The following GBA2 variants were observed in gnomAD, a reference collection of about 807,000 sequenced individuals.
The protein encoded by GBA2 is non-lysosomal glucosylceramidase.
Under a neutral mutation model 112.9 loss-of-function variants are expected in GBA2, and 79 were observed. The observed-to-expected ratio is 0.70, with a 90% confidence interval of 0.58 to 0.84. The LOEUF (loss-of-function observed/expected upper bound fraction) is 0.84, where lower values mean the gene tolerates loss of function less well. GBA2 is among the 40% of genes least tolerant of loss of function. The pLI, the probability that GBA2 is intolerant of heterozygous loss-of-function variation, is 0.00. For missense variants in GBA2, 1,043 were observed against 1,190.0 expected, an observed-to-expected ratio of 0.88 and a Z score of 1.82; for synonymous variants, 403 against 434.3, an observed-to-expected ratio of 0.93 and a Z score of 0.90.
At chr9:35,747,009 G>C (rs542235275) in intron 1 of GBA2, among the ~76,000 whole-genome samples, 1 of 152,240 alleles carries the variant, frequency 6.6e-6, no homozygotes, top group East Asian at 1.9e-4. Context: ...TAATATGGTA[G>C]CTGGCCATTC....
At position 35,737,189 on chromosome 9, in the gene GBA2, C is replaced by A; in HGVS notation, c.2764G>T (p.Ala922Ser). Residue 922 changes from alanine (A) to serine (S), a missense_variant, in exon 17 of 17, where the codon GCA (alanine) becomes TCA (serine). Coordinates refer to ENST00000378103, the MANE Select transcript of GBA2 (RefSeq NM_020944.3). This position sits in a 1 kb window ranked among gnomAD's most constrained non-coding sequence, Gnocchi z 4.1. ...ACGGCTCACTCTGGGCTCAGGTTTG[C>A]CATGGCTTCCTTTGGTCCAAACATA... The part of the protein sequence containing the change: ...GPMFGPKEAM[A>S]NLSPE 6.2e-7 allele frequency: 1 copy of A among 1,608,216 alleles called. No homozygotes were observed. Among genetic ancestry groups the A allele is most frequent in the Non-Finnish European group, 8.5e-7 (1 of 1,179,684 alleles).
rs1388202220 is a variant in GBA2 at position 35,737,448 on chromosome 9, C to A, written c.2506-1G>T. ...TCTGGAAGCCCTCCCAAGTCAGGCC[C>A]TGTTGGGAGAGATGACAGTCATACA... On this transcript the variant is annotated splice_acceptor_variant, in intron 16 of 16. Transcript: ENST00000378103. LOFTEE classifies it high-confidence loss of function. The surrounding 1 kb of genome is among the most constrained non-coding windows in gnomAD (Gnocchi z 4.1). The A allele has an allele frequency of 1.2e-6, 2 of 1,613,306 alleles. No individual in the cohort carries two copies. Among genetic ancestry groups the A allele is most frequent in the Non-Finnish European group, 1.7e-6 (2 of 1,179,604 alleles).
At position 35,749,035 on chromosome 9, in the gene GBA2, C is replaced by CAGGCACCGCCCCGGGACGGGCCCGCA. The variant is rs967354148; in HGVS notation, c.-357_-332dup. The CAGGCACCGCCCCGGGACGGGCCCGCA allele has an allele frequency of 4.8e-6, 1 of 209,730 alleles. No individual in the cohort carries two copies. The highest frequency in any genetic ancestry group is 9.3e-6 in the Non-Finnish European group (1 of 107,870). 13.0% of individuals were successfully genotyped at this position (209,730 alleles called of 1,614,324 possible). A position where few individuals can be genotyped will look rare whatever the true frequency, so the allele number is the denominator to read the frequency against. ...GGGAGGAGCCGCGGGGCCAGCCCAC[C>CAGGCACCGCCCCGGGACGGGCCCGCA]AGGCACCGCCCCGGGACGGGCCCGC... On this transcript the variant is annotated 5_prime_UTR_variant, in exon 1 of 17. Transcript: ENST00000378103. This position sits in a 1 kb window ranked among gnomAD's most constrained non-coding sequence, Gnocchi z 4.4.
intron 12 of GBA2, 26 bp from the exon 13 acceptor site, chr9:35,738,658 A>T: frequency 6.2e-7 from 1 of 1,601,648 alleles, no homozygotes; most frequent in Non-Finnish European, 8.6e-7. Context: ...GATGTTGAAG[A>T]CCTAGGTACC....
In GBA2 at chr9:35,746,393, A is replaced by G. The variant is rs994229252; in HGVS notation, c.360-1687T>C. Among the ~76,000 whole-genome samples, 21 of 152,210 alleles carry G rather than the reference A, an allele frequency of 1.4e-4. No individual in the cohort carries two copies. The highest frequency in any genetic ancestry group is 5.1e-4 in the African/African-American group (21 of 41,444). ...CACGTGAGGTCAGGAGTTCAAGACC[A>G]GCCTGGCCAATGTGGTGAAACCCCG... On this transcript the variant is annotated intron_variant, in intron 1 of 16. Coordinates refer to ENST00000378103, the MANE Select transcript of GBA2 (RefSeq NM_020944.3). The surrounding 1 kb of genome is among the most constrained non-coding windows in gnomAD (Gnocchi z 5.2).
At position 35,741,682 on chromosome 9, in the gene GBA2, T is replaced by C. The variant is rs1284323294; in HGVS notation, c.776A>G (p.His259Arg). The C allele has an allele frequency of 1.2e-6, 2 of 1,604,872 alleles. No homozygotes were observed. Among genetic ancestry groups the C allele is most frequent in the South Asian group, 1.1e-5 (1 of 90,910 alleles). Residue 259 changes from histidine to arginine, a missense_variant, in exon 4 of 17, where the codon CAT (histidine) becomes CGT (arginine). His to Arg is a conservative substitution (Grantham distance 29). Coordinates refer to ENST00000378103, the MANE Select transcript of GBA2 (RefSeq NM_020944.3). This position sits in a 1 kb window ranked among gnomAD's most constrained non-coding sequence, Gnocchi z 4.6. ...ATGTGGGGGCCTCACCTGGTAGTCA[T>C]GGGGCAAGATGGGTGTGATCTGACG... ...TCRQITPILP[H>R]DYQDSSLPVG...
In GBA2 at chr9:35,741,801, C is replaced by T. The variant is rs751942556; in HGVS notation, c.657G>A (p.Trp219Ter). Residue 219 changes from tryptophan to a stop codon, truncating the protein, a stop_gained, in exon 4 of 17, where the codon TGG (tryptophan) becomes TGA (stop). Transcript: ENST00000378103. LOFTEE classifies it high-confidence loss of function. This position sits in a 1 kb window ranked among gnomAD's most constrained non-coding sequence, Gnocchi z 4.6. ...ERPSVLRSWN[W>*]GLCGYFAFYH... ...AGAAAGCAAAGTACCCACACAGGCC[C>T]CAGTTCCAGCTGCGGAGGACACTTG... 1 of 1,613,756 alleles carries T rather than the reference C, an allele frequency of 6.2e-7. No homozygotes were observed.
At position 35,740,584 on chromosome 9, in the gene GBA2, G is replaced by A. The variant is rs774378557; in HGVS notation, c.1071C>T (p.Ser357=). ...GATCCTGCCACACCTGCTGCCCCGT[G>A]CTGTCAGGGTCAAAGGCTGTGATGT... The part of the protein sequence containing the change: ...VTHITAFDPD[S]TGQQVWQDLL... Residue 357 remains serine, a synonymous_variant, in exon 6 of 17, where the codon AGC becomes AGT. Transcript: ENST00000378103. This position sits in a 1 kb window ranked among gnomAD's most constrained non-coding sequence, Gnocchi z 4.7. 2.5e-6 allele frequency: 4 copies of A among 1,614,062 alleles called. No individual in the cohort carries two copies. The highest frequency in any genetic ancestry group is 2.2e-5 in the East Asian group (1 of 44,884).
At position 35,748,388 on chromosome 9, in the gene GBA2, A is replaced by AG. The variant is rs1827103325; in HGVS notation, c.316_317insC (p.Val106AlafsTer71). On this transcript the variant is annotated frameshift_variant, in exon 1 of 17. Coordinates refer to ENST00000378103, the MANE Select transcript of GBA2 (RefSeq NM_020944.3). LOFTEE classifies it high-confidence loss of function. ...ATGCTTTATCATGTTGCTTAGGGAG[A>AG]CGTTGTTAGCTTGAAAGGGTTTCCT... The AG allele has an allele frequency of 6.2e-7, 1 of 1,613,830 alleles. No individual in the cohort carries two copies. Among genetic ancestry groups the AG allele is most frequent in the Non-Finnish European group, 8.5e-7 (1 of 1,179,866 alleles).
In GBA2 at chr9:35,747,212, TC is replaced by T. The variant is rs1297031603; in HGVS notation, c.359+1133del. On this transcript the variant is annotated intron_variant, in intron 1 of 16. Transcript: ENST00000378103. ...GAGCACAGCTTCAGGCCTCTATGAC[TC>T]AGTTCATATTTAAGGGCTAAGAGGC... Among the ~76,000 whole-genome samples, 11 of 152,292 alleles carry T rather than the reference TC, an allele frequency of 7.2e-5. No homozygotes were observed. In the East Asian group the frequency reaches 2.1e-3, roughly 29 times the overall value.
chr9:35,739,918 T>C (rs1238184221), intron 8 of GBA2, 80 bp downstream of exon 8: 2 of 1,572,752 alleles, frequency 1.3e-6, no homozygotes, highest in Non-Finnish European at 1.7e-6. Context: ...CTACTGACTT[T>C]GGTGGGTGGA....
At chr9:35,745,377 G>A (rs2132007751) in intron 1 of GBA2, among the ~76,000 whole-genome samples, 1 of 152,044 alleles carries the variant, frequency 6.6e-6, no homozygotes, top group South Asian at 2.1e-4. Context: ...CGCCCGCCTC[G>A]GCCTCCCAAA....
chr9:35,744,380 T>C lies in GBA2; in HGVS notation c.484A>G (p.Ile162Val). 1 of 1,612,086 alleles carries C rather than the reference T, an allele frequency of 6.2e-7. No individual in the cohort carries two copies. The highest frequency in any genetic ancestry group is 8.5e-7 in the Non-Finnish European group (1 of 1,178,162). Residue 162 changes from isoleucine to valine, a missense_variant, in exon 3 of 17, where the codon ATT becomes GTT. Transcript: ENST00000378103. ...AACTGGCCTCTCCAGCCACGGGTAA[T>C]AGTGCCTCCCCCGATGCCACCCAAG... Reference protein sequence around the residue: ...CPLGGIGGGTITRGWRGQFCR... With the variant: ...CPLGGIGGGTVTRGWRGQFCR...
Position 35,741,020 on chromosome 9 carries a change from A to G in GBA2, c.831T>C (p.Asn277=). Residue 277 remains asparagine (N), a synonymous_variant, in exon 5 of 17, where the codon AAT becomes AAC. Coordinates refer to ENST00000378103, the MANE Select transcript of GBA2 (RefSeq NM_020944.3). This position sits in a 1 kb window ranked among gnomAD's most constrained non-coding sequence, Gnocchi z 4.6. ...PVGVFVWDVE[N]EGDEALDVSI... is the part of the protein sequence containing the mutation. ...ACACATCTAGAGCTTCGTCCCCTTC[A>G]TTTTCCACATCCCACACAAAGACTC... 1.9e-6 allele frequency: 3 copies of G among 1,613,944 alleles called. No homozygotes were observed. Among genetic ancestry groups the G allele is most frequent in the South Asian group, 1.1e-5 (1 of 91,084 alleles).
At position 35,744,602 on chromosome 9, in the gene GBA2, G is replaced by C; in HGVS notation, c.451+13C>G. The C allele has an allele frequency of 3.9e-6, 6 of 1,521,906 alleles. No individual in the cohort carries two copies. Among genetic ancestry groups the C allele is most frequent in the Non-Finnish European group, 5.5e-6 (6 of 1,095,848 alleles). The allele number at this position is 1,521,906 out of a possible 1,614,324, so 94.3% of individuals were successfully genotyped here. On this transcript the variant is annotated intron_variant, in intron 2 of 16. Coordinates refer to ENST00000378103, the MANE Select transcript of GBA2 (RefSeq NM_020944.3). ...GCCTTCTCTGAGCAGAGCAGAGATG[G>C]GGTGGGGCTCACCATAAATCTGTCT...
rs1273047643 is a variant in GBA2, at chr9:35,737,723, A to T, written c.2505+25T>A. The T allele has an allele frequency of 6.2e-7, 1 of 1,612,144 alleles. No individual in the cohort carries two copies. The highest frequency in any genetic ancestry group is 1.1e-5 in the South Asian group (1 of 91,042). ...TTCTGGGCCAGGATACAGATGGTGG[A>T]GAGATGGGAAAAGGAGTGCATTACC... On this transcript the variant is annotated intron_variant, in intron 16 of 16. Transcript: ENST00000378103. The surrounding 1 kb of genome is among the most constrained non-coding windows in gnomAD (Gnocchi z 4.1).
chr9:35,739,159 G>A, intron 10 of GBA2, 50 bp from the exon 11 acceptor site: 1 of 1,239,846 alleles, frequency 8.1e-7, no homozygotes, highest in Non-Finnish European at 1.2e-6. Context: ...GCCTGAGGAG[G>A]GGCACACAGC....
intron 9 of GBA2, 47 bp from the exon 10 acceptor site, chr9:35,739,466 C>A (rs763757047): frequency 1.4e-6 from 2 of 1,418,994 alleles, no homozygotes; most frequent in Admixed American, 3.4e-5. Flanking sequence ...CCTGCTTCCC[C>A]TTCAAACCCC....
chr9:35,739,532 A>G (rs1401068238), intron 9 of GBA2, 96 bp downstream of exon 9: 1 of 1,320,510 alleles, frequency 7.6e-7, no homozygotes, highest in Non-Finnish European at 1.1e-6. Flanking sequence ...TCCACACCCA[A>G]CACCCCCTCA....
Sources: allele counts gnomAD v4.1 joint callset (sites outside exome capture counted in the v4.1 genomes callset), GRCh38; gene constraint gnomAD v4.1.1; non-coding constraint Gnocchi (gnomAD v3.1); transcripts MANE v1.5; gene names NCBI Gene and HGNC (gene_info 2026-07-23, HGNC 2026-07-21).